EPHB2: variants seen among roughly 807,000 people sequenced by gnomAD.
The protein encoded by EPHB2 is EPH receptor B2, also known as ephrin type-B receptor 2.
A neutral mutation model predicts 96.4 loss-of-function variants in EPHB2; 18 were observed. The observed-to-expected ratio is 0.19, with a 90% CI of 0.13 to 0.28. The LOEUF is 0.28. Ranked by LOEUF, EPHB2 falls within the 10% of genes least tolerant of loss-of-function variation. EPHB2 has a pLI of 1.00. For synonymous variants in EPHB2, 506 were observed against 534.1 expected (o/e 0.95, Z 0.72); for missense variants, 989 against 1,355.4 (o/e 0.73, Z 4.25).
intron 9 of EPHB2, 96 bp downstream of exon 9, chr1:22,896,574 T>C: frequency 1.3e-6 from 2 of 1,497,352 alleles, no homozygotes; most frequent in Non-Finnish European, 1.8e-6. Context: ...TCTGCCATGC[T>C]GCAGGCAGAC....
chr1:22,892,805 ATG>A, intron 6 of EPHB2, 77 bp from the exon 7 acceptor site: 1 of 1,566,392 alleles, frequency 6.4e-7, no homozygotes, highest in Non-Finnish European at 8.8e-7. Flanking sequence ...CCTGCCCCCA[ATG>A]TGGCAGGAGC....
At chr1:22,726,172 G>T (rs909437305) in intron 1 of EPHB2, among the ~76,000 whole-genome samples, 1 of 152,164 alleles carries the variant, frequency 6.6e-6, no homozygotes, top group Non-Finnish European at 1.5e-5. Context: ...CCCAGTAGAG[G>T]TGATAGGCAA....
intron 6 of EPHB2, among the ~76,000 whole-genome samples, chr1:22,888,089 C>G (rs1341753808): frequency 1.3e-5 from 2 of 152,036 alleles, no homozygotes; most frequent in Non-Finnish European, 2.9e-5. Context: ...TCTTGTTGCC[C>G]AGGCTGGAGT....
chr1:22,898,403 G>A (rs1337413223), intron 9 of EPHB2, among the ~76,000 whole-genome samples: 2 of 152,140 alleles, frequency 1.3e-5, no homozygotes, highest in Admixed American at 6.6e-5. Context: ...CCAGGAAGAG[G>A]GAACAGCCAA....
intron 1 of EPHB2, among the ~76,000 whole-genome samples, chr1:22,769,602 T>G (rs1469527164): frequency 6.6e-6 from 1 of 152,030 alleles, no homozygotes; most frequent in Non-Finnish European, 1.5e-5. Flanking sequence ...GGGACAGGGT[T>G]TTGTCATGTT....
chr1:22,867,460 C>G (rs1050246260), intron 5 of EPHB2, among the ~76,000 whole-genome samples: 1 of 152,062 alleles, frequency 6.6e-6, no homozygotes, highest in African/African-American at 2.4e-5. Context: ...GTTGCTGTGG[C>G]TGAGAGGGTA....
intron 6 of EPHB2, among the ~76,000 whole-genome samples, chr1:22,891,945 T>A (rs574817976): frequency 2.0e-5 from 3 of 151,698 alleles, no homozygotes; most frequent in South Asian, 4.2e-4. Context: ...CAAGCATGTA[T>A]CTCCATGCCC....
chr1:22,743,361 A>G (rs1643927551), intron 1 of EPHB2, among the ~76,000 whole-genome samples: 6 of 152,234 alleles, frequency 3.9e-5, no homozygotes, highest in Admixed American at 3.9e-4. Context: ...TGTGAGACCC[A>G]GGCTGAGGCA....
chr1:22,866,536 TTAC>T (rs1418320177), intron 5 of EPHB2, among the ~76,000 whole-genome samples: 1 of 151,914 alleles, frequency 6.6e-6, no homozygotes, highest in Non-Finnish European at 1.5e-5. Flanking sequence ...AGTGCTGGGA[TTAC>T]AAACAAGAGC....
chr1:22,850,360 G>T (rs1314209049), intron 3 of EPHB2, among the ~76,000 whole-genome samples: 3 of 152,210 alleles, frequency 2.0e-5, no homozygotes, highest in Non-Finnish European at 2.9e-5. Flanking sequence ...CTGAACAGGG[G>T]ACCCGCACGT....
At chr1:22,803,669 A>G (rs1461261457) in intron 3 of EPHB2, among the ~76,000 whole-genome samples, 2 of 138,760 alleles carry the variant, frequency 1.4e-5, no homozygotes, top group African/African-American at 5.3e-5. Flanking sequence ...GTGTATATAT[A>G]TGTGTGTATA....
At chr1:22,855,243 C>T (rs535416651) in intron 3 of EPHB2, among the ~76,000 whole-genome samples, 1 of 152,208 alleles carries the variant, frequency 6.6e-6, no homozygotes, top group South Asian at 2.1e-4. Context: ...GCCAGCCCCC[C>T]TACTCTGGGA....
At chr1:22,900,974 G>T (rs916955822) in intron 9 of EPHB2, among the ~76,000 whole-genome samples, 3 of 152,198 alleles carry the variant, frequency 2.0e-5, no homozygotes, top group African/African-American at 4.8e-5. Context: ...TGGATATGGA[G>T]CCAGAGGGAC....
In EPHB2 at chr1:22,916,004, G is replaced by C. The variant is rs554979926; in HGVS notation, c.*2434G>C. The C allele has an allele frequency of 4.6e-5, 7 of 152,580 alleles. No individual in the cohort carries two copies. In the East Asian group the frequency reaches 1.3e-3, roughly 29 times the overall value. 9.5% of individuals were successfully genotyped at this position (152,580 alleles called of 1,614,324 possible). On this transcript the variant is annotated 3_prime_UTR_variant, in exon 16 of 16. Transcript: ENST00000374630. The surrounding 1 kb of genome is among the most constrained non-coding windows in gnomAD (Gnocchi z 4.2). ...CCGGGAGCCTGAGCTGCAAAGGGAA[G>C]GAAGGGATTAGAGAGAAGTGTGGGC...
rs771202097 is a variant in EPHB2 at position 22,895,515 on chromosome 1, C to T, written c.1635C>T (p.Ile545=). Residue 545 remains isoleucine (I), a synonymous_variant, in exon 8 of 16, where the codon ATC becomes ATT. Coordinates refer to ENST00000374630, the MANE Select transcript of EPHB2 (RefSeq NM_017449.5). ...TCCAGGAGAAGTTGCCACTCATCAT[C>T]GGCTCCTCGGCCGCTGGCCTGGTCT... ...TSIQEKLPLI[I]GSSAAGLVFL... 2.8e-5 allele frequency: 46 copies of T among 1,614,118 alleles called. No individual in the cohort carries two copies. Among genetic ancestry groups the T allele is most frequent in the African/African-American group, 1.6e-4 (12 of 74,940 alleles).
At position 22,826,926 on chromosome 1, in the gene EPHB2, A is replaced by C. The variant is rs534831985; in HGVS notation, c.812-36111A>C. Among the ~76,000 whole-genome samples, 346 of 152,328 alleles carry C rather than the reference A, an allele frequency of 2.3e-3. 1 individual carries two copies. Among genetic ancestry groups the C allele is most frequent in the Non-Finnish European group, 3.5e-3 (237 of 68,030 alleles). Reference sequence around the variant, plus strand: ...AAACCTAGAGAGGGTTTATAAATTGAGCCAGGTTCTTTCTGGATGTCCCAC... The same window carrying C: ...AAACCTAGAGAGGGTTTATAAATTGCGCCAGGTTCTTTCTGGATGTCCCAC... On this transcript the variant is annotated intron_variant, in intron 3 of 15. Coordinates refer to ENST00000374630, the MANE Select transcript of EPHB2 (RefSeq NM_017449.5).
chr1:22,749,052 A>T (rs2218194), intron 1 of EPHB2, among the ~76,000 whole-genome samples: 1 of 144,704 alleles, frequency 6.9e-6, no homozygotes, highest in South Asian at 2.2e-4. Flanking sequence ...ATGGAGTTTC[A>T]CTCTGTTGCC....
chr1:22,882,348 C>G lies in EPHB2; in HGVS notation c.1304-11C>G, dbSNP rs1639075828. 1 of 1,613,614 alleles carries G rather than the reference C, an allele frequency of 6.2e-7. No individual in the cohort carries two copies. The highest frequency in any genetic ancestry group is 1.3e-5 in the African/African-American group (1 of 75,058). ...GCCTCCCTGATCCCTGACCTCTGGCCTCTCTTCCAGCTCCATCGGCAGTGT... is the reference window on the plus strand; with the variant it reads ...GCCTCCCTGATCCCTGACCTCTGGCGTCTCTTCCAGCTCCATCGGCAGTGT... On this transcript the variant is annotated splice_polypyrimidine_tract_variant and intron_variant, in intron 5 of 15. Coordinates refer to ENST00000374630, the MANE Select transcript of EPHB2 (RefSeq NM_017449.5).
At chr1:22,834,454 A>C (rs1368452272) in intron 3 of EPHB2, among the ~76,000 whole-genome samples, 2 of 152,218 alleles carry the variant, frequency 1.3e-5, no homozygotes, top group Non-Finnish European at 2.9e-5. Context: ...TATGTAAAAC[A>C]TGTCAATTTG....
Sources: allele counts gnomAD v4.1 joint callset (sites outside exome capture counted in the v4.1 genomes callset), GRCh38; gene constraint gnomAD v4.1.1; non-coding constraint Gnocchi (gnomAD v3.1); transcripts MANE v1.5; gene names NCBI Gene and HGNC (gene_info 2026-07-23, HGNC 2026-07-21).